BTG4: variants seen among roughly 807,000 people sequenced by gnomAD.
BTG4 encodes BTG anti-proliferation factor 4, also known as protein BTG4.
Under a neutral mutation model 19.3 loss-of-function variants are expected in BTG4, and 10 were observed. The ratio of observed to expected loss-of-function variants is 0.52; its 90% CI spans 0.32 to 0.88. The LOEUF is 0.88. BTG4 is among the 40% of genes least tolerant of loss of function. The pLI is 0.04. For missense variants in BTG4, 238 were observed against 281.9 expected, an observed-to-expected ratio of 0.84 and a Z score of 1.11; for synonymous variants, 91 against 95.7, an observed-to-expected ratio of 0.95 and a Z score of 0.29.
chr11:111,498,219 C>A, intron 2 of BTG4, 84 bp from the exon 3 acceptor site: 1 of 1,465,772 alleles, frequency 6.8e-7, no homozygotes. Context: ...TGTTCCAATA[C>A]ACATAGCTCC....
intron 1 of BTG4, among the ~76,000 whole-genome samples, chr11:111,499,242 A>T (rs1865920670): frequency 6.6e-6 from 1 of 152,228 alleles, no homozygotes; most frequent in Non-Finnish European, 1.5e-5. Context: ...ATACTTGCCA[A>T]CAAAAGCTCT....
At chr11:111,421,484 G>A in the BTG4 span, among the ~76,000 whole-genome samples, 2 of 152,192 alleles carry the variant, frequency 1.3e-5, no homozygotes, top group African/African-American at 4.8e-5. Flanking sequence ...TTCCCGAAGG[G>A]CAGGATGTCC....
downstream of BTG4, among the ~76,000 whole-genome samples, chr11:111,494,143 AGAG>A (rs1699757711): frequency 6.6e-6 from 1 of 152,214 alleles, no homozygotes; most frequent in South Asian, 2.1e-4. Flanking sequence ...TGGAGATGAG[AGAG>A]GAGAAGGGAG....
intron 5 of BTG4, among the ~76,000 whole-genome samples, chr11:111,485,135 G>C (rs1322705266): frequency 1.3e-5 from 2 of 152,092 alleles, no homozygotes; most frequent in African/African-American, 4.8e-5. Flanking sequence ...TGGAGCCAAA[G>C]AGAGATGGAC....
At chr11:111,451,823 G>C in the BTG4 span, among the ~76,000 whole-genome samples, 1 of 152,200 alleles carries the variant, frequency 6.6e-6, no homozygotes, top group Non-Finnish European at 1.5e-5. Context: ...GGAAGGAGAT[G>C]CCCTGATGTC....
At chr11:111,444,360 A>C in the BTG4 span, among the ~76,000 whole-genome samples, 1 of 151,912 alleles carries the variant, frequency 6.6e-6, no homozygotes. Flanking sequence ...GAGTCCTAAG[A>C]GGCAATGTCT....
chr11:111,490,847 C>A (rs1865372919), downstream of BTG4, among the ~76,000 whole-genome samples: 1 of 152,220 alleles, frequency 6.6e-6, no homozygotes, highest in African/African-American at 2.4e-5. Flanking sequence ...AAAAACTAAG[C>A]ATGCAACTAC....
At chr11:111,397,845 T>A in the BTG4 span, 1 of 152,258 alleles carries the variant, frequency 6.6e-6, no homozygotes, top group Non-Finnish European at 1.5e-5. Flanking sequence ...TTTCAGGCCA[T>A]AAAGACACTA....
At chr11:111,389,050 T>C in the BTG4 span, among the ~76,000 whole-genome samples, 3 of 152,348 alleles carry the variant, frequency 2.0e-5, no homozygotes, top group Non-Finnish European at 2.9e-5. Context: ...CAAAGTCCAT[T>C]TCCTTATGAA....
the BTG4 span, chr11:111,457,985 A>G: frequency 6.6e-6 from 1 of 152,608 alleles, no homozygotes; most frequent in African/African-American, 2.4e-5. Flanking sequence ...ATTGCCCCAT[A>G]TGGGAGGGCC....
the BTG4 span, among the ~76,000 whole-genome samples, chr11:111,454,598 C>G: frequency 6.6e-6 from 1 of 152,144 alleles, no homozygotes; most frequent in African/African-American, 2.4e-5. Context: ...GGGATTCTAC[C>G]AAGGCCACCA....
chr11:111,394,839 C>T, the BTG4 span, among the ~76,000 whole-genome samples: 4 of 152,194 alleles, frequency 2.6e-5, no homozygotes, highest in Non-Finnish European at 5.9e-5. Context: ...AGATATGGTC[C>T]TATCTTTGTT....
rs1241099550 is a variant in BTG4 at position 111,512,304 on chromosome 11, C to G, written c.-150G>C. 6.6e-6 allele frequency: 1 copy of G among 152,252 alleles called. No homozygotes were observed. The highest frequency in any genetic ancestry group is 2.1e-4 in the South Asian group (1 of 4,826). 9.4% of individuals were successfully genotyped at this position (152,252 alleles called of 1,614,324 possible). The stretch of plus-strand genomic sequence containing the variant: ...TGCTAGATCAGAAAGAGAAACGTCT[C>G]AAGAATCTGGGCCTCCATCTTCTAG... On this transcript the variant is annotated 5_prime_UTR_variant, in exon 1 of 5. Coordinates refer to ENST00000692032, the MANE Select transcript of BTG4 (RefSeq NM_001367975.1).
rs750943744 is a variant in BTG4 at position 111,498,050 on chromosome 11, C to T, written c.259G>A (p.Gly87Arg). The change falls in exon 3 of 5, where the codon GGA (glycine) becomes AGA (arginine). Residue 87 changes from glycine to arginine, a missense_variant. Transcript: ENST00000692032. ...CATATGGTCATCTCCTTCGGAAGTC[C>T]CAGGTGAGAAAAATCTACATTACTT... ...VESNVDFSHL[G>R]LPKEMTIWVD... is the part of the protein sequence containing the mutation. 3.1e-6 allele frequency: 5 copies of T among 1,613,956 alleles called. No homozygotes were observed. Among genetic ancestry groups the T allele is most frequent in the Non-Finnish European group, 4.2e-6 (5 of 1,179,990 alleles).
At chr11:111,492,282 C>A (rs966460219), downstream of BTG4, among the ~76,000 whole-genome samples, 2 of 152,164 alleles carry the variant, frequency 1.3e-5, no homozygotes, top group Non-Finnish European at 2.9e-5. Flanking sequence ...TAATAAAACC[C>A]TCTGTGTAAA....
chr11:111,438,329 C>T, the BTG4 span, among the ~76,000 whole-genome samples: 2 of 152,236 alleles, frequency 1.3e-5, no homozygotes, highest in Non-Finnish European at 2.9e-5. Flanking sequence ...CCCACAGCCC[C>T]TGAGACACCA....
At chr11:111,452,760 C>G in the BTG4 span, among the ~76,000 whole-genome samples, 1 of 152,218 alleles carries the variant, frequency 6.6e-6, no homozygotes, top group Non-Finnish European at 1.5e-5. Flanking sequence ...TATAATGGAG[C>G]TAGCTAAAGC....
chr11:111,407,109 CTATTATTATCATATACTATA>C, the BTG4 span, among the ~76,000 whole-genome samples: 1 of 149,990 alleles, frequency 6.7e-6, no homozygotes, highest in South Asian at 2.1e-4. Context: ...AAAGTTATTC[CTATTATTATCATATACTATA>C]TATTATTATA....
chr11:111,412,884 A>T, the BTG4 span, among the ~76,000 whole-genome samples: 1 of 152,368 alleles, frequency 6.6e-6, no homozygotes, highest in African/African-American at 2.4e-5. Flanking sequence ...ACTTCATTGT[A>T]AGCTTCCTGG....
Sources: allele counts gnomAD v4.1 joint callset (sites outside exome capture counted in the v4.1 genomes callset), GRCh38; gene constraint gnomAD v4.1.1; transcripts MANE v1.5; gene names NCBI Gene and HGNC (gene_info 2026-07-23, HGNC 2026-07-21).